The following GSE1 variants were observed in gnomAD, a reference collection of about 807,000 sequenced individuals.
The protein encoded by GSE1 is Gse1 coiled-coil protein.
A neutral mutation model predicts 112.6 loss-of-function variants in GSE1; 32 were observed. That is an observed-to-expected ratio of 0.28 (90% CI 0.21 to 0.38). The LOEUF is 0.38. Among genes scored for constraint, GSE1 ranks in the 10% least tolerant of loss-of-function variants. The pLI, the probability that GSE1 is intolerant of heterozygous loss-of-function variation, is 1.00. For missense variants in GSE1, 2,348 were observed against 1,699.2 expected, an observed-to-expected ratio of 1.38 and a Z score of -6.71; for synonymous variants, 1,115 against 735.6, an observed-to-expected ratio of 1.52 and a Z score of -8.35.
At chr16:85,400,606 CTA>C (rs1486373816) in intron 2 of GSE1, among the ~76,000 whole-genome samples, 26 of 128,382 alleles carry the variant, frequency 2.0e-4, no homozygotes, top group Admixed American at 2.0e-3. Flanking sequence ...GAGTGTATGT[CTA>C]TGTGTTGCAT....
intron 2 of GSE1, among the ~76,000 whole-genome samples, chr16:85,504,327 C>A (rs1034001018): frequency 4.6e-5 from 7 of 152,228 alleles, no homozygotes; most frequent in African/African-American, 1.7e-4. Context: ...GGGCCACACA[C>A]TTTCCCCTTA....
At chr16:85,587,814 AC>A (rs1448617033) in intron 1 of GSE1, among the ~76,000 whole-genome samples, 2 of 151,850 alleles carry the variant, frequency 1.3e-5, no homozygotes. Context: ...TCCTCGCCCT[AC>A]CCCCAAGCCT....
intron 1 of GSE1, among the ~76,000 whole-genome samples, chr16:85,627,160 A>ACGGGGGG (rs1232270485): frequency 1.0e-5 from 1 of 96,366 alleles, no homozygotes; most frequent in Admixed American, 1.7e-4. Flanking sequence ...GTGCTTTGTT[A>ACGGGGGG]CGGGGGGCGG....
chr16:85,468,217 C>T (rs774018412), intron 2 of GSE1, among the ~76,000 whole-genome samples: 4 of 151,782 alleles, frequency 2.6e-5, no homozygotes, highest in East Asian at 3.9e-4. Context: ...AGGGAATATT[C>T]GAGAACCTTG....
intron 1 of GSE1, among the ~76,000 whole-genome samples, chr16:85,182,437 G>C (rs914770879): frequency 5.3e-5 from 8 of 152,228 alleles, no homozygotes; most frequent in African/African-American, 1.9e-4. Context: ...TCACTCCCCT[G>C]GCGGCCTGGT....
chr16:85,461,246 A>G (rs1178116411), intron 2 of GSE1, among the ~76,000 whole-genome samples: 1 of 152,156 alleles, frequency 6.6e-6, no homozygotes, highest in African/African-American at 2.4e-5. Flanking sequence ...GAGGGTGTTG[A>G]GAAGCATCCC....
intron 2 of GSE1, among the ~76,000 whole-genome samples, chr16:85,505,768 C>G (rs534622886): frequency 7.2e-5 from 11 of 152,188 alleles, no homozygotes; most frequent in African/African-American, 2.4e-4. Flanking sequence ...CCTGCAACCC[C>G]AGCACTTTGG....
intron 1 of GSE1, among the ~76,000 whole-genome samples, chr16:85,198,950 T>C (rs1467357048): frequency 2.0e-5 from 3 of 151,850 alleles, no homozygotes. Flanking sequence ...GGCTAATTTT[T>C]TTTTTTTTTT....
intron 2 of GSE1, among the ~76,000 whole-genome samples, chr16:85,637,054 A>G (rs1464584314): frequency 6.6e-6 from 1 of 152,258 alleles, no homozygotes; most frequent in African/African-American, 2.4e-5. Flanking sequence ...TTCACATGCC[A>G]TAAAATTCAC....
intron 1 of GSE1, among the ~76,000 whole-genome samples, chr16:85,584,381 G>A (rs2046592197): frequency 6.6e-6 from 1 of 152,150 alleles, no homozygotes; most frequent in Admixed American, 6.5e-5. Flanking sequence ...CAGCCAAGCG[G>A]AGCACACCCC....
intron 1 of GSE1, among the ~76,000 whole-genome samples, chr16:85,258,085 T>G (rs1242586471): frequency 6.6e-6 from 1 of 152,174 alleles, no homozygotes; most frequent in Non-Finnish European, 1.5e-5. Flanking sequence ...CAAAACATTC[T>G]ACAGATGGGT....
At chr16:85,521,011 C>T (rs999323547) in intron 2 of GSE1, among the ~76,000 whole-genome samples, 5 of 152,194 alleles carry the variant, frequency 3.3e-5, no homozygotes, top group Admixed American at 2.0e-4. Flanking sequence ...AAGTCTCAGC[C>T]GGGGTTGAGG....
At chr16:85,224,164 C>T (rs2075440836) in intron 1 of GSE1, among the ~76,000 whole-genome samples, 1 of 151,748 alleles carries the variant, frequency 6.6e-6, no homozygotes, top group African/African-American at 2.4e-5. Flanking sequence ...GGCCCTGTCC[C>T]ACGATGCTGG....
At chr16:85,388,344 C>A (rs1460651347) in intron 2 of GSE1, among the ~76,000 whole-genome samples, 9 of 16,876 alleles carry the variant, frequency 5.3e-4, no homozygotes, top group Admixed American at 2.7e-3. Flanking sequence ...GGATGTATGG[C>A]TGGATGGATG....
chr16:85,656,103 G>A lies in GSE1; in HGVS notation c.989+186G>A, dbSNP rs535055323. Among the ~76,000 whole-genome samples the A allele has an allele frequency of 1.8e-4, 28 of 152,322 alleles. No homozygotes were observed. In the South Asian group the frequency reaches 5.4e-3, roughly 29 times the overall value. On this transcript the variant is annotated intron_variant, in intron 6 of 15. Coordinates refer to ENST00000253458, the MANE Select transcript of GSE1 (RefSeq NM_014615.5). The stretch of plus-strand genomic sequence containing the variant: ...TGAAATAGCGCCTGTCTCGGTAGCC[G>A]TGGTCTCCTGCAGTAAACCTGCAGG...
chr16:85,243,473 G>A (rs931241925), intron 1 of GSE1, among the ~76,000 whole-genome samples: 3 of 152,342 alleles, frequency 2.0e-5, no homozygotes, highest in Non-Finnish European at 1.5e-5. Context: ...TGAAGAAGGC[G>A]GTGGCGTGTG....
intron 1 of GSE1, among the ~76,000 whole-genome samples, chr16:85,303,762 G>A (rs553930106): frequency 1.3e-5 from 2 of 152,344 alleles, no homozygotes; most frequent in East Asian, 1.9e-4. Context: ...AAGCGGCTGC[G>A]GCCTGGCCCT....
At chr16:85,301,109 A>G (rs1385618122) in intron 1 of GSE1, among the ~76,000 whole-genome samples, 3 of 152,168 alleles carry the variant, frequency 2.0e-5, no homozygotes, top group African/African-American at 7.2e-5. Flanking sequence ...CCAGACCCCC[A>G]GGCCTGGTGG....
At chr16:85,223,491 C>T (rs1478473304) in intron 1 of GSE1, among the ~76,000 whole-genome samples, 1 of 151,452 alleles carries the variant, frequency 6.6e-6, no homozygotes, top group East Asian at 2.0e-4. Context: ...CCACCGCACT[C>T]CAGCCTGGGC....
Sources: allele counts gnomAD v4.1 joint callset (sites outside exome capture counted in the v4.1 genomes callset), GRCh38; gene constraint gnomAD v4.1.1; transcripts MANE v1.5; gene names NCBI Gene and HGNC (gene_info 2026-07-23, HGNC 2026-07-21).